XRCC4: variants seen among roughly 807,000 people sequenced by gnomAD.
The protein encoded by XRCC4 is DNA repair protein XRCC4.
In XRCC4, 28 loss-of-function variants were observed where a neutral mutation model predicts 39.1. The ratio of observed to expected loss-of-function variants is 0.72; its 90% CI spans 0.53 to 0.98. The LOEUF is 0.98. Among genes scored for constraint, XRCC4 ranks in the 50% least tolerant of loss-of-function variants. XRCC4 has a pLI of 0.00. For synonymous variants in XRCC4, 123 were observed against 126.4 expected (o/e 0.97, Z 0.18); for missense variants, 350 against 376.4 (o/e 0.93, Z 0.58).
At chr5:83,279,970 T>A (rs1754479514) in intron 7 of XRCC4, 3 of 182,156 alleles carry the variant, frequency 1.6e-5, no homozygotes, top group Admixed American at 1.2e-4. Flanking sequence ...ATTTCTGGAC[T>A]ATACAACTTA....
rs151216061 is a variant in XRCC4, at chr5:83,189,364, A to G, written c.316-6406A>G. Among the ~76,000 whole-genome samples the G allele has an allele frequency of 2.2e-3, 340 of 152,276 alleles. 1 individual carries two copies. The highest frequency in any genetic ancestry group is 7.8e-3 in the African/African-American group (325 of 41,558). On this transcript the variant is annotated intron_variant, in intron 3 of 7. Coordinates refer to ENST00000396027, the MANE Select transcript of XRCC4 (RefSeq NM_003401.5). ...TTAAGACCTAAATAAGAATTCTTAGATGACACACTTGAAATATTAAATCGT... is the reference window on the plus strand; with the variant it reads ...TTAAGACCTAAATAAGAATTCTTAGGTGACACACTTGAAATATTAAATCGT...
intron 3 of XRCC4, among the ~76,000 whole-genome samples, chr5:83,128,400 T>A (rs1319578021): frequency 6.6e-6 from 1 of 152,164 alleles, no homozygotes; most frequent in Non-Finnish European, 1.5e-5. Context: ...TGGTTCCAAG[T>A]CTTTGCTATT....
chr5:83,186,297 G>A (rs1332668875), intron 3 of XRCC4, among the ~76,000 whole-genome samples: 1 of 152,106 alleles, frequency 6.6e-6, no homozygotes, highest in Non-Finnish European at 1.5e-5. Context: ...ATTTTGAGGA[G>A]AACATTCTTG....
intron 3 of XRCC4, among the ~76,000 whole-genome samples, chr5:83,133,543 C>A (rs543630146): frequency 6.6e-6 from 1 of 152,200 alleles, no homozygotes; most frequent in South Asian, 2.1e-4. Flanking sequence ...CCACCCAGTT[C>A]GAGCTTTCTG....
chr5:83,299,850 A>C (rs192941489), intron 7 of XRCC4, among the ~76,000 whole-genome samples: 35 of 148,142 alleles, frequency 2.4e-4, no homozygotes, highest in African/African-American at 8.4e-4. Context: ...TGTCTCTGTT[A>C]GTTATAATAT....
At chr5:83,304,644 C>A (rs2112061560) in intron 7 of XRCC4, among the ~76,000 whole-genome samples, 1 of 152,280 alleles carries the variant, frequency 6.6e-6, no homozygotes, top group Non-Finnish European at 1.5e-5. Flanking sequence ...TCCATACAAA[C>A]ATGTAGTCAT....
chr5:83,109,965 A>C (rs532145319), intron 2 of XRCC4, among the ~76,000 whole-genome samples: 55 of 152,162 alleles, frequency 3.6e-4, no homozygotes, highest in African/African-American at 1.3e-3. Context: ...TAAAAGTCTC[A>C]AGAAAAATCA....
At chr5:83,155,294 T>G (rs957057861) in intron 3 of XRCC4, among the ~76,000 whole-genome samples, 1 of 152,120 alleles carries the variant, frequency 6.6e-6, no homozygotes, top group Middle Eastern at 3.2e-3. Context: ...AGGAGGAACT[T>G]TGATGTATTT....
rs535309677 is a variant in XRCC4 at position 83,094,101 on chromosome 5, T to A, written c.-10-10809T>A. Among the ~76,000 whole-genome samples the A allele has an allele frequency of 2.6e-4, 39 of 152,324 alleles. No individual in the cohort carries two copies. The South Asian group carries it at 8.1e-3, about 32-fold the overall frequency. On this transcript the variant is annotated intron_variant, in intron 1 of 7. Coordinates refer to ENST00000396027, the MANE Select transcript of XRCC4 (RefSeq NM_003401.5). ...ATGTTATCGTCAACTCCTCTTTGGT[T>A]TGAATTTGGTTGGAGATCTCCTTTC...
rs1296284283 is a variant in XRCC4 at position 83,138,936 on chromosome 5, G to T, written c.315+27733G>T. Among the ~76,000 whole-genome samples, 6 of 152,126 alleles carry T rather than the reference G, an allele frequency of 3.9e-5. No individual in the cohort carries two copies. The East Asian group carries it at 1.2e-3, about 29-fold the overall frequency. ...TGCTTAATTTTAGACTTATAGAGAA[G>T]TTGAAAAAATAATAAAGAGAATTTC... On this transcript the variant is annotated intron_variant, in intron 3 of 7. Transcript: ENST00000396027.
chr5:83,104,971 C>T lies in XRCC4; in HGVS notation c.52C>T (p.His18Tyr), dbSNP rs761695470. ...IHLVSEPSITHFLQVSWEKTL... is the reference protein window; with the variant it reads ...IHLVSEPSITYFLQVSWEKTL... ...CCTTGTTTCTGAACCCAGTATAACT[C>T]ATTTTCTACAAGTATCTTGGGAGAA... Residue 18 changes from histidine to tyrosine, a missense_variant, in exon 2 of 8, where the codon CAT becomes TAT. Physicochemically the swap from His to Tyr is moderately conservative, Grantham distance 83 (BLOSUM62 2). Coordinates refer to ENST00000396027, the MANE Select transcript of XRCC4 (RefSeq NM_003401.5). 6.2e-7 allele frequency: 1 copy of T among 1,613,502 alleles called. No homozygotes were observed. Among genetic ancestry groups the T allele is most frequent in the East Asian group, 2.2e-5 (1 of 44,742 alleles).
At position 83,320,253 on chromosome 5, in the gene XRCC4, T is replaced by C. The variant is rs1398283411; in HGVS notation, c.894-32878T>C. Among the ~76,000 whole-genome samples the C allele has an allele frequency of 6.5e-3, 958 of 147,726 alleles. 11 individuals carry two copies. Among genetic ancestry groups the C allele is most frequent in the African/African-American group, 0.023 (920 of 40,220 alleles). On this transcript the variant is annotated intron_variant, in intron 7 of 7. Coordinates refer to ENST00000396027, the MANE Select transcript of XRCC4 (RefSeq NM_003401.5). ...GGATAGCATTGGGAGATATACCTAA[T>C]GATAGATGACACGTTAGTGGGTGCA...
chr5:83,373,246 G>C, the XRCC4 span, among the ~76,000 whole-genome samples: 491 of 152,122 alleles, frequency 3.2e-3, 15 homozygotes, highest in East Asian at 0.073. Context: ...AAGGCTCCCT[G>C]TGCACCCTCA....
intron 1 of XRCC4, among the ~76,000 whole-genome samples, chr5:83,078,606 C>T (rs929494295): frequency 2.6e-5 from 4 of 152,178 alleles, no homozygotes; most frequent in Middle Eastern, 3.2e-3. Flanking sequence ...TTACATTGTT[C>T]ACTAGGGCAC....
At chr5:83,087,375 C>CTG (rs1362871801) in intron 1 of XRCC4, among the ~76,000 whole-genome samples, 5 of 150,990 alleles carry the variant, frequency 3.3e-5, no homozygotes, top group African/African-American at 1.2e-4. Context: ...AAAATTTGTC[C>CTG]TGGTTGGCTG....
intron 3 of XRCC4, among the ~76,000 whole-genome samples, chr5:83,187,471 G>A (rs2112671785): frequency 6.6e-6 from 1 of 152,228 alleles, no homozygotes; most frequent in South Asian, 2.1e-4. Context: ...TCAAGAATTA[G>A]CTTGTAGACA....
At chr5:83,285,430 T>C (rs1351877933) in intron 7 of XRCC4, among the ~76,000 whole-genome samples, 2 of 152,036 alleles carry the variant, frequency 1.3e-5, no homozygotes, top group Non-Finnish European at 2.9e-5. Context: ...ACTATGAGAG[T>C]TACTGAGCTA....
intron 7 of XRCC4, among the ~76,000 whole-genome samples, chr5:83,260,132 T>C (rs1753699525): frequency 6.6e-6 from 1 of 152,118 alleles, no homozygotes; most frequent in African/African-American, 2.4e-5. Flanking sequence ...TTCCGGTTTG[T>C]GTTTATCATT....
intron 1 of XRCC4, among the ~76,000 whole-genome samples, chr5:83,095,483 T>C (rs1294522626): frequency 6.6e-6 from 1 of 152,170 alleles, no homozygotes; most frequent in Non-Finnish European, 1.5e-5. Context: ...CTGGTTAAAC[T>C]CCCTCCTATG....
Sources: gnomAD v4.1 joint callset for allele counts (sites outside exome capture counted in the v4.1 genomes callset) on GRCh38, gnomAD v4.1.1 for gene constraint, MANE v1.5 for transcripts, NCBI Gene and HGNC (gene_info 2026-07-23, HGNC 2026-07-21) for gene names.